ZBBX: variants seen among roughly 807,000 people sequenced by gnomAD.
ZBBX encodes the protein zinc finger B-box domain containing.
Under a neutral mutation model 108.5 loss-of-function variants are expected in ZBBX, and 101 were observed. The ratio of observed to expected loss-of-function variants is 0.93; its 90% CI spans 0.79 to 1.10. ZBBX has a LOEUF of 1.10. Ranked by LOEUF, ZBBX falls within the 50% of genes least tolerant of loss-of-function variation. The probability of loss-of-function intolerance (pLI) is 0.00; values close to 1 mark genes in which losing one functional copy is unlikely to be tolerated. For synonymous variants in ZBBX, 356 were observed against 323.4 expected (o/e 1.10, Z -1.08); for missense variants, 1,009 against 941.4 (o/e 1.07, Z -0.94).
intron 10 of ZBBX, chr3:167,331,713 A>G (rs1459687154): frequency 3.1e-6 from 2 of 654,016 alleles, no homozygotes; most frequent in East Asian, 1.4e-4. Context: ...GAAGACGCAC[A>G]TAGAAATTCA....
At chr3:167,355,387 G>A (rs1345948493) in intron 8 of ZBBX, among the ~76,000 whole-genome samples, 1 of 151,864 alleles carries the variant, frequency 6.6e-6, no homozygotes, top group Non-Finnish European at 1.5e-5. Context: ...TTTCACAAAT[G>A]AGGAAACAGA....
intron 8 of ZBBX, among the ~76,000 whole-genome samples, chr3:167,356,266 C>T (rs568061179): frequency 6.6e-6 from 1 of 151,908 alleles, no homozygotes; most frequent in South Asian, 2.1e-4. Context: ...TTTAAGATTC[C>T]TTAAATTACT....
intron 15 of ZBBX, 91 bp downstream of exon 15, chr3:167,315,659 C>A: frequency 1.1e-6 from 1 of 892,790 alleles, no homozygotes; most frequent in African/African-American, 1.7e-5. Context: ...TTTTTCACAC[C>A]ACATATTTCA....
At chr3:167,224,383 C>A in the ZBBX span, among the ~76,000 whole-genome samples, 1 of 151,808 alleles carries the variant, frequency 6.6e-6, no homozygotes, top group Admixed American at 6.6e-5. Context: ...TTTAGGAAAT[C>A]TCTTTTTCCT....
Position 167,294,668 on chromosome 3 carries a change from TG to T in ZBBX, c.1879+3636del, listed in dbSNP as rs1442649893. Among the ~76,000 whole-genome samples, 8 of 152,176 alleles carry T rather than the reference TG, an allele frequency of 5.3e-5. No individual in the cohort carries two copies. The Middle Eastern group carries it at 0.014, about 259-fold the overall frequency. ...TTCATGACTAAAACACGAAAAGCAATGGCAACAAAAGCCAAAATAGACAAAT... is the reference window on the plus strand; with the variant it reads ...TTCATGACTAAAACACGAAAAGCAATGCAACAAAAGCCAAAATAGACAAAT... On this transcript the variant is annotated intron_variant, in intron 18 of 21. Coordinates refer to ENST00000675490, the MANE Select transcript of ZBBX (RefSeq NM_001199201.2).
At chr3:167,211,468 C>A in the ZBBX span, among the ~76,000 whole-genome samples, 1 of 152,150 alleles carries the variant, frequency 6.6e-6, no homozygotes, top group Non-Finnish European at 1.5e-5. Flanking sequence ...GGGGCCTGAG[C>A]AGCAATAGCC....
rs1224222490 is a variant in ZBBX, at chr3:167,348,263, G to GAAGC, written c.528+2156_528+2157insGCTT. Among the ~76,000 whole-genome samples the GAAGC allele has an allele frequency of 3.6e-5, 3 of 82,636 alleles. 1 individual carries two copies. Among genetic ancestry groups the GAAGC allele is most frequent in the African/African-American group, 1.2e-4 (3 of 25,642 alleles). 54.2% of individuals were successfully genotyped at this position (82,636 alleles called of 152,430 possible). On this transcript the variant is annotated intron_variant, in intron 9 of 21. Coordinates refer to ENST00000675490, the MANE Select transcript of ZBBX (RefSeq NM_001199201.2). Reference sequence around the variant, plus strand: ...GAAGGGAGGGAGGGAGGGTGGAAGGGAAGGAAGGAAGGAAGGAAGGAAGGA... The same window carrying GAAGC: ...GAAGGGAGGGAGGGAGGGTGGAAGGGAAGCAAGGAAGGAAGGAAGGAAGGAAGGA...
At chr3:167,280,931 A>C (rs1228477489) in intron 20 of ZBBX, among the ~76,000 whole-genome samples, 1 of 152,212 alleles carries the variant, frequency 6.6e-6, no homozygotes, top group Non-Finnish European at 1.5e-5. Context: ...GCCATAAAAA[A>C]TGATGAGTTC....
At chr3:167,247,473 G>A (rs1721785092) in intron 20 of ZBBX, among the ~76,000 whole-genome samples, 1 of 152,134 alleles carries the variant, frequency 6.6e-6, no homozygotes, top group Non-Finnish European at 1.5e-5. Flanking sequence ...GACCACGTGT[G>A]ATCCAATTCT....
upstream of ZBBX, among the ~76,000 whole-genome samples, chr3:167,382,962 A>G (rs779160331): frequency 3.3e-5 from 5 of 152,140 alleles, no homozygotes; most frequent in Non-Finnish European, 5.9e-5. Context: ...CTAATATTTT[A>G]TCTCAATTCC....
chr3:167,269,458 A>C (rs1726153414), intron 20 of ZBBX, among the ~76,000 whole-genome samples: 2 of 152,212 alleles, frequency 1.3e-5, no homozygotes, highest in South Asian at 4.1e-4. Flanking sequence ...GTCTAAAAGG[A>C]TTCCTTGCCT....
intron 20 of ZBBX, among the ~76,000 whole-genome samples, chr3:167,277,520 A>C (rs199895570): frequency 0.05 from 7,671 of 152,198 alleles, 517 homozygotes; most frequent in African/African-American, 0.15. Context: ...ACATAATGGT[A>C]AAGGGATCAA....
chr3:167,322,004 T>C (rs1736527369), intron 12 of ZBBX, 113 bp downstream of exon 12: 1 of 597,586 alleles, frequency 1.7e-6, no homozygotes, highest in South Asian at 6.6e-5. Flanking sequence ...TTTAAAATTA[T>C]GTATGCAAAT....
intron 9 of ZBBX, among the ~76,000 whole-genome samples, chr3:167,346,741 A>C (rs1197487390): frequency 1.3e-5 from 2 of 151,946 alleles, no homozygotes; most frequent in Non-Finnish European, 2.9e-5. Flanking sequence ...AGTGAGAGCT[A>C]AGAAAAAGAG....
chr3:167,180,454 G>A, the ZBBX span, among the ~76,000 whole-genome samples: 1 of 152,240 alleles, frequency 6.6e-6, no homozygotes, highest in Non-Finnish European at 1.5e-5. Context: ...GTAGGAGTAA[G>A]GAGTAGTAGT....
intron 17 of ZBBX, among the ~76,000 whole-genome samples, chr3:167,304,510 T>C (rs769470843): frequency 3.3e-5 from 5 of 152,184 alleles, no homozygotes; most frequent in African/African-American, 9.6e-5. Context: ...GGTGTAAGCA[T>C]GTCCTTTTAT....
the ZBBX span, among the ~76,000 whole-genome samples, chr3:167,216,239 G>A: frequency 3.3e-5 from 5 of 152,048 alleles, no homozygotes; most frequent in Non-Finnish European, 5.9e-5. Context: ...CATAGTCTTC[G>A]TCTAAAAGCT....
intron 11 of ZBBX, among the ~76,000 whole-genome samples, chr3:167,325,475 C>T (rs796902064): frequency 5.9e-5 from 9 of 152,254 alleles, no homozygotes; most frequent in South Asian, 2.1e-4. Flanking sequence ...AATTACCTCT[C>T]GCCGGGGCCC....
chr3:167,252,009 G>A, intron 20 of ZBBX: 1 of 532,824 alleles, frequency 1.9e-6, no homozygotes, highest in Admixed American at 3.3e-5. Context: ...ATCAGCCACA[G>A]CAATCAGAAT....
Sources: allele counts gnomAD v4.1 joint callset (sites outside exome capture counted in the v4.1 genomes callset), GRCh38; gene constraint gnomAD v4.1.1; transcripts MANE v1.5; gene names NCBI Gene and HGNC (gene_info 2026-07-23, HGNC 2026-07-21).